INO80: variants seen among roughly 807,000 people sequenced by gnomAD.
INO80 encodes INO80 complex ATPase subunit.
Under a neutral mutation model 203.4 loss-of-function variants are expected in INO80, and 20 were observed. The ratio of observed to expected loss-of-function variants is 0.10; its 90% CI spans 0.07 to 0.14. The LOEUF (loss-of-function observed/expected upper bound fraction) is 0.14, where lower values mean the gene tolerates loss of function less well. INO80 is among the 10% of genes least tolerant of loss of function. The probability of loss-of-function intolerance (pLI) is 1.00; values close to 1 mark genes in which losing one functional copy is unlikely to be tolerated. For synonymous variants in INO80, 726 were observed against 685.2 expected (o/e 1.06, Z -0.93); for missense variants, 1,419 against 1,914.4 (o/e 0.74, Z 4.83).
At chr15:41,064,017 T>A (rs1171026283) in intron 14 of INO80, among the ~76,000 whole-genome samples, 4 of 152,008 alleles carry the variant, frequency 2.6e-5, no homozygotes, top group African/African-American at 9.7e-5. Context: ...AAAGCAAAAA[T>A]GGACAGAAGA....
At chr15:41,115,063 T>C (rs1291291806) in intron 1 of INO80, among the ~76,000 whole-genome samples, 3 of 152,210 alleles carry the variant, frequency 2.0e-5, no homozygotes, top group Non-Finnish European at 4.4e-5. Flanking sequence ...TTAATTTAAG[T>C]TGCCACTGAA....
intron 16 of INO80, among the ~76,000 whole-genome samples, chr15:41,057,865 T>C (rs2045022561): frequency 7.3e-6 from 1 of 137,500 alleles, no homozygotes; most frequent in African/African-American, 2.7e-5. Flanking sequence ...ACAGAAAATA[T>C]CATCTAGCCA....
At chr15:40,980,535 A>G in intron 35 of INO80, 95 bp from the exon 36 acceptor site, 1 of 898,898 alleles carries the variant, frequency 1.1e-6, no homozygotes, top group East Asian at 2.6e-5. Context: ...GAGCTGGAGG[A>G]GAAGTGGTGG....
rs145239807 is a variant in INO80 at position 41,028,095 on chromosome 15, T to C, written c.2908-359A>G. Among the ~76,000 whole-genome samples the C allele has an allele frequency of 1.1e-3, 167 of 152,308 alleles. 2 individuals carry two copies. In the East Asian group the frequency reaches 0.025, roughly 23 times the overall value. ...CTGTTGCACTGTGGATGCAAACTCA[T>C]GTCTTGTGTTGAAAACAATGATGAC... On this transcript the variant is annotated intron_variant, in intron 24 of 35. Coordinates refer to ENST00000648947, the MANE Select transcript of INO80 (RefSeq NM_017553.3).
At chr15:41,112,030 A>G (rs1197674850) in intron 1 of INO80, among the ~76,000 whole-genome samples, 1 of 151,956 alleles carries the variant, frequency 6.6e-6, no homozygotes, top group Non-Finnish European at 1.5e-5. Context: ...TCAGCTTTCC[A>G]AGTAGCTGAA....
intron 1 of INO80, among the ~76,000 whole-genome samples, chr15:41,104,595 T>G (rs1188421004): frequency 6.6e-6 from 1 of 152,098 alleles, no homozygotes; most frequent in African/African-American, 2.4e-5. Flanking sequence ...TGGAGTGCAG[T>G]GGTCCAATCT....
chr15:41,096,340 C>G lies in INO80; in HGVS notation c.-30G>C, dbSNP rs1395426151. On this transcript the variant is annotated 5_prime_UTR_variant, in exon 2 of 36. Coordinates refer to ENST00000648947, the MANE Select transcript of INO80 (RefSeq NM_017553.3). ...CAAATCTGTCTTCATGCACAAGGACCTCCGACTGCACGGCTGCAGAACAGA... is the reference window on the plus strand; with the variant it reads ...CAAATCTGTCTTCATGCACAAGGACGTCCGACTGCACGGCTGCAGAACAGA... 2 of 1,542,410 alleles carry G rather than the reference C, an allele frequency of 1.3e-6. No homozygotes were observed.
In INO80 at chr15:40,987,735, TA is replaced by T. The variant is rs5812179; in HGVS notation, c.3729+80del. 0.031 allele frequency: 40,909 copies of T among 1,317,126 alleles called. 4,643 individuals carry two copies. In the African/African-American group the frequency reaches 0.35, roughly 11 times the overall value. 81.6% of individuals were successfully genotyped at this position (1,317,126 alleles called of 1,614,324 possible). A position where few individuals can be genotyped will look rare whatever the true frequency, so the allele number is the denominator to read the frequency against. On this transcript the variant is annotated intron_variant, in intron 30 of 35. Transcript: ENST00000648947. Reference sequence around the variant, plus strand: ...GGACCAATGAAAGGCAAGAGAGTTTTAAAATAGTCTCAATGCAGTCAATGTG... The same window carrying T: ...GGACCAATGAAAGGCAAGAGAGTTTTAAATAGTCTCAATGCAGTCAATGTG...
chr15:41,086,775 A>C (rs1367572825), intron 6 of INO80, among the ~76,000 whole-genome samples: 2 of 152,204 alleles, frequency 1.3e-5, no homozygotes, highest in African/African-American at 4.8e-5. Flanking sequence ...TAAGAGAGGA[A>C]AGGACATTTC....
chr15:40,979,191 G>T lies in INO80; in HGVS notation c.*1032C>A, dbSNP rs995248279. 6.6e-6 allele frequency: 1 copy of T among 152,496 alleles called. No individual in the cohort carries two copies. The highest frequency in any genetic ancestry group is 2.4e-5 in the African/African-American group (1 of 41,400). The allele number at this position is 152,496 out of a possible 1,614,324, so 9.4% of individuals were successfully genotyped here. On this transcript the variant is annotated 3_prime_UTR_variant, in exon 36 of 36. Transcript: ENST00000648947. ...AGGTGTGCAAATCAGAGGCTTGCCCGCCCGGAGGTACCTGCTCCACCAGGG... is the reference window on the plus strand; with the variant it reads ...AGGTGTGCAAATCAGAGGCTTGCCCTCCCGGAGGTACCTGCTCCACCAGGG...
chr15:41,039,418 G>A (rs981108781), intron 24 of INO80, among the ~76,000 whole-genome samples: 2 of 152,252 alleles, frequency 1.3e-5, no homozygotes, highest in African/African-American at 4.8e-5. Context: ...GTGTGTGTGT[G>A]TGTTTTTAAG....
chr15:41,103,728 T>C (rs140164871), intron 1 of INO80, among the ~76,000 whole-genome samples: 5 of 152,240 alleles, frequency 3.3e-5, no homozygotes, highest in African/African-American at 4.8e-5. Flanking sequence ...AGTTCCTCAA[T>C]AGTTTTCCAA....
rs1322555519 is a variant in INO80 at position 41,049,313 on chromosome 15, G to C, written c.2550C>G (p.Ile850Met). The C allele has an allele frequency of 6.2e-7, 1 of 1,613,524 alleles. No individual in the cohort carries two copies. The highest frequency in any genetic ancestry group is 8.5e-7 in the Non-Finnish European group (1 of 1,179,520). ...TGTCTCGTGAATGATTGAAGACCCT[G>C]ATCTGTCCATGACGGTAGATAAACT... ...ISKFIYRHGQIRVFNHSRDRW... is the reference protein window; with the variant it reads ...ISKFIYRHGQMRVFNHSRDRW... The change falls in exon 21 of 36, where the codon ATC becomes ATG. Residue 850 changes from isoleucine to methionine, a missense_variant. Ile to Met is a conservative substitution (Grantham distance 10). Coordinates refer to ENST00000648947, the MANE Select transcript of INO80 (RefSeq NM_017553.3).
chr15:41,035,877 G>A (rs1441497661), intron 24 of INO80, among the ~76,000 whole-genome samples: 5 of 140,958 alleles, frequency 3.5e-5, no homozygotes, highest in African/African-American at 7.8e-5. Flanking sequence ...ACCTGTAATC[G>A]GAGCACTCAG....
chr15:41,042,769 C>T (rs962839009), intron 24 of INO80, among the ~76,000 whole-genome samples: 7 of 152,144 alleles, frequency 4.6e-5, no homozygotes, highest in African/African-American at 1.2e-4. Flanking sequence ...CCACCACGCC[C>T]GGCTGACAGT....
intron 28 of INO80, among the ~76,000 whole-genome samples, chr15:41,003,159 C>CT (rs2043986052): frequency 6.6e-6 from 1 of 151,514 alleles, no homozygotes; most frequent in Non-Finnish European, 1.5e-5. Context: ...TTGGCAAAGG[C>CT]TTTTTAATGA....
chr15:40,999,351 C>T (rs1201934849), intron 28 of INO80: 1 of 152,178 alleles, frequency 6.6e-6, no homozygotes, highest in East Asian at 1.9e-4. Context: ...ATGAATACTG[C>T]TGAAGTGACT....
chr15:41,042,778 G>C (rs896397288), intron 24 of INO80, among the ~76,000 whole-genome samples: 83 of 152,116 alleles, frequency 5.5e-4, no homozygotes, highest in African/African-American at 1.9e-3. Context: ...CCGGCTGACA[G>C]TCTTATCATT....
intron 24 of INO80, among the ~76,000 whole-genome samples, chr15:41,035,070 T>C (rs538594678): frequency 6.6e-6 from 1 of 152,296 alleles, no homozygotes; most frequent in South Asian, 2.1e-4. Flanking sequence ...CCAGCTAACA[T>C]TTGCTGTGAA....
Sources: gnomAD v4.1 joint callset for allele counts (sites outside exome capture counted in the v4.1 genomes callset) on GRCh38, gnomAD v4.1.1 for gene constraint, MANE v1.5 for transcripts, NCBI Gene and HGNC (gene_info 2026-07-23, HGNC 2026-07-21) for gene names.